Variants in RPS6KL1 observed in about 807,000 individuals in gnomAD.
RPS6KL1 encodes ribosomal protein S6 kinase like 1, also known as ribosomal protein S6 kinase-like 1.
In RPS6KL1, 41 loss-of-function variants were observed where a neutral mutation model predicts 57.0. The observed-to-expected ratio is 0.72, with a 90% confidence interval of 0.56 to 0.93. The LOEUF is 0.93. Among genes scored for constraint, RPS6KL1 ranks in the 40% least tolerant of loss-of-function variants. The pLI is 0.00. For synonymous variants in RPS6KL1, 287 were observed against 309.7 expected (o/e 0.93, Z 0.77); for missense variants, 697 against 727.7 (o/e 0.96, Z 0.49).
In RPS6KL1 at chr14:74,907,469, C is replaced by T. The variant is rs1885109096; in HGVS notation, c.1505G>A (p.Trp502Ter). Residue 502 changes from tryptophan (W) to a stop codon, truncating the protein, a stop_gained, in exon 11 of 12, where the codon TGG becomes TAG. Coordinates refer to ENST00000557413, the MANE Select transcript of RPS6KL1 (RefSeq NM_031464.5). LOFTEE classifies it high-confidence loss of function. ...CAGAGAGGCCGCTGGGCGACTGAGC[C>T]ACTCGGGCAGCTGGAGCTGGGTGTG... Reference protein sequence around the residue: ...QAHTQLQLPEWLSRPAASLLT... With the variant: ...QAHTQLQLPE The T allele has an allele frequency of 6.3e-7, 1 of 1,588,680 alleles. No homozygotes were observed. The highest frequency in any genetic ancestry group is 8.6e-7 in the Non-Finnish European group (1 of 1,167,778).
At chr14:74,911,767 G>T in intron 6 of RPS6KL1, 27 bp downstream of exon 6, 1 of 1,554,962 alleles carries the variant, frequency 6.4e-7, no homozygotes, top group South Asian at 1.2e-5. Context: ...GGGGAATGCA[G>T]AGTGGCAGGG....
intron 10 of RPS6KL1, among the ~76,000 whole-genome samples, chr14:74,907,737 G>A (rs948922751): frequency 6.6e-6 from 1 of 152,218 alleles, no homozygotes; most frequent in Non-Finnish European, 1.5e-5. Flanking sequence ...GAGAGGTAAA[G>A]GGACTTGTGC....
intron 1 of RPS6KL1, 99 bp downstream of exon 1, chr14:74,923,081 G>C (rs1253004526): frequency 6.6e-6 from 1 of 152,240 alleles, no homozygotes; most frequent in Non-Finnish European, 1.5e-5. Context: ...TGCAACCCAC[G>C]GGGCCCCAGC....
chr14:74,911,707 C>CA, intron 6 of RPS6KL1, 87 bp downstream of exon 6: 2 of 1,289,452 alleles, frequency 1.6e-6, no homozygotes, highest in South Asian at 2.6e-5. Flanking sequence ...GTGCAGGCTT[C>CA]AAATGCAGGT....
chr14:74,918,363 G>GCACTCCC, intron 5 of RPS6KL1, 150 bp downstream of exon 5: 1 of 554,968 alleles, frequency 1.8e-6, no homozygotes, highest in Non-Finnish European at 3.1e-6. Context: ...AACTGCACTC[G>GCACTCCC]CACTCCCCAC....
In RPS6KL1 at chr14:74,905,202, G is replaced by A. The variant is rs1884573846; in HGVS notation, c.*1812C>T. 1 of 152,180 alleles carries A rather than the reference G, an allele frequency of 6.6e-6. No homozygotes were observed. The highest frequency in any genetic ancestry group is 1.5e-5 in the Non-Finnish European group (1 of 68,044). 9.4% of individuals were successfully genotyped at this position (152,180 alleles called of 1,614,324 possible). A position where few individuals can be genotyped will look rare whatever the true frequency, so the allele number is the denominator to read the frequency against. On this transcript the variant is annotated 3_prime_UTR_variant, in exon 12 of 12. Coordinates refer to ENST00000557413, the MANE Select transcript of RPS6KL1 (RefSeq NM_031464.5). ...AGTGTCAGATGTGTAGCTTTGGGTG[G>A]ATGAAGCACAGAAGTTCCAGAAGGG...
At position 74,907,620 on chromosome 14, in the gene RPS6KL1, C is replaced by T. The variant is rs73307703; in HGVS notation, c.1444-90G>A. 7.8e-4 allele frequency: 961 copies of T among 1,224,944 alleles called. 9 individuals are homozygous for T. In the African/African-American group the frequency reaches 0.013, roughly 17 times the overall value. 75.9% of individuals were successfully genotyped at this position (1,224,944 alleles called of 1,614,324 possible). On this transcript the variant is annotated intron_variant, in intron 10 of 11. Transcript: ENST00000557413. ...GCCAGGATTTTTTTTCCCCATGTCACAGCCCATGAGGAGGATGACAATAAT... is the reference window on the plus strand; with the variant it reads ...GCCAGGATTTTTTTTCCCCATGTCATAGCCCATGAGGAGGATGACAATAAT...
intron 4 of RPS6KL1, among the ~76,000 whole-genome samples, 181 bp downstream of exon 4, chr14:74,919,660 GGAGA>G (rs1334730975): frequency 6.6e-6 from 1 of 152,220 alleles, no homozygotes; most frequent in Admixed American, 6.5e-5. Context: ...ATGAGGCGTG[GGAGA>G]GAGAGGAAGC....
rs1483736514 is a variant in RPS6KL1 at position 74,906,416 on chromosome 14, G to T, written c.*598C>A. 6.2e-6 allele frequency: 2 copies of T among 320,200 alleles called. 1 individual carries two copies. Among genetic ancestry groups the T allele is most frequent in the East Asian group, 1.7e-4 (2 of 11,622 alleles). The allele number at this position is 320,200 out of a possible 1,614,324, so 19.8% of individuals were successfully genotyped here. On this transcript the variant is annotated 3_prime_UTR_variant, in exon 12 of 12. Coordinates refer to ENST00000557413, the MANE Select transcript of RPS6KL1 (RefSeq NM_031464.5). Reference sequence around the variant, plus strand: ...ATGGTCAGGAATCGGGGGTGGGGGGGTGGGGGTGGGGGTCATCCTGTCCCC... The same window carrying T: ...ATGGTCAGGAATCGGGGGTGGGGGGTTGGGGGTGGGGGTCATCCTGTCCCC...
chr14:74,914,132 AG>A (rs1207248771), intron 5 of RPS6KL1, among the ~76,000 whole-genome samples: 6 of 152,266 alleles, frequency 3.9e-5, no homozygotes, highest in African/African-American at 7.2e-5. Flanking sequence ...GAGAGCGCCC[AG>A]GACCCTTTTC....
rs1042143603 is a variant in RPS6KL1, at chr14:74,921,347, A to G, written c.195T>C (p.Val65=). Residue 65 remains valine (V), a synonymous_variant, in exon 3 of 12, where the codon GTT becomes GTC. Coordinates refer to ENST00000557413, the MANE Select transcript of RPS6KL1 (RefSeq NM_031464.5). ...TQIRLALERD[V]SEDYEAAFNH... ...TGAAGGCCGCCTCATAGTCCTCACT[A>G]ACATCGCGCTCCAGGGCCAGCCGGA... The G allele has an allele frequency of 1.9e-6, 3 of 1,614,226 alleles. No homozygotes were observed. Among genetic ancestry groups the G allele is most frequent in the Non-Finnish European group, 8.5e-7 (1 of 1,180,040 alleles).
At position 74,909,725 on chromosome 14, in the gene RPS6KL1, A is replaced by G; in HGVS notation, c.1088T>C (p.Met363Thr). Residue 363 changes from methionine (M) to threonine (T), a missense_variant, in exon 8 of 12, where the codon ATG (methionine) becomes ACG (threonine). Met to Thr is a moderately conservative substitution (Grantham distance 81). Transcript: ENST00000557413. ...GPVLGGCGRG[M>T]DQSCLSADGA... is the part of the protein sequence containing the mutation. ...ATCTGCTGACAGGCAGCTCTGATCCATGCCTCGGCCACAGCCCCCTAGCAC... is the reference window on the plus strand; with the variant it reads ...ATCTGCTGACAGGCAGCTCTGATCCGTGCCTCGGCCACAGCCCCCTAGCAC... 2 of 1,608,256 alleles carry G rather than the reference A, an allele frequency of 1.2e-6. No individual in the cohort carries two copies. The highest frequency in any genetic ancestry group is 1.1e-5 in the South Asian group (1 of 91,060).
In RPS6KL1 at chr14:74,904,223, GTTA is replaced by G. The variant is rs1469204316; in HGVS notation, c.*2788_*2790del. Reference sequence around the variant, plus strand: ...TTCTGATTGGCAATTGGTTGAAAGAGTTATTATCTAAAGACCTGGAATCAATAG... The same window carrying G: ...TTCTGATTGGCAATTGGTTGAAAGAGTTATCTAAAGACCTGGAATCAATAG... On this transcript the variant is annotated 3_prime_UTR_variant, in exon 12 of 12. Coordinates refer to ENST00000557413, the MANE Select transcript of RPS6KL1 (RefSeq NM_031464.5). 6.6e-6 allele frequency: 1 copy of G among 152,208 alleles called. No homozygotes were observed. Among genetic ancestry groups the G allele is most frequent in the African/African-American group, 2.4e-5 (1 of 41,442 alleles). The allele number at this position is 152,208 out of a possible 1,614,324, so 9.4% of individuals were successfully genotyped here. A position where few individuals can be genotyped will look rare whatever the true frequency, so the allele number is the denominator to read the frequency against.
At chr14:74,923,159 G>A (rs1001382772) in intron 1 of RPS6KL1, 21 bp downstream of exon 1, 3 of 152,440 alleles carry the variant, frequency 2.0e-5, no homozygotes, top group Non-Finnish European at 4.4e-5. Context: ...GGTGGAGAAG[G>A]GACCGGACAA....
At chr14:74,912,742 A>C (rs1886230692) in intron 5 of RPS6KL1, among the ~76,000 whole-genome samples, 1 of 152,192 alleles carries the variant, frequency 6.6e-6, no homozygotes, top group Non-Finnish European at 1.5e-5. Context: ...TCCTGACTGC[A>C]AATAAAAATT....
chr14:74,921,238 T>TACCCCCCCCCCCCCCCCCCCCCCCCCCC, intron 3 of RPS6KL1, 39 bp downstream of exon 3: 3 of 840,178 alleles, frequency 3.6e-6, no homozygotes, highest in Non-Finnish European at 4.1e-6. Flanking sequence ...CACTGGCCCT[T>TACCCCCCCCCCCCCCCCCCCCCCCCCCC]CCCCACCCAC....
chr14:74,907,433 A>T lies in RPS6KL1; in HGVS notation c.1539+2T>A. ...GCTTCCTCTGGCCGGGCTACACCTCACCTCAGTCAGCAGAGAGGCCGCTGG... is the reference window on the plus strand; with the variant it reads ...GCTTCCTCTGGCCGGGCTACACCTCTCCTCAGTCAGCAGAGAGGCCGCTGG... On this transcript the variant is annotated splice_donor_variant, in intron 11 of 11. Transcript: ENST00000557413. LOFTEE classifies it high-confidence loss of function. The T allele has an allele frequency of 6.4e-7, 1 of 1,571,488 alleles. No individual in the cohort carries two copies. Among genetic ancestry groups the T allele is most frequent in the Non-Finnish European group, 8.6e-7 (1 of 1,158,958 alleles).
chr14:74,919,348 G>A (rs574042547), intron 4 of RPS6KL1, among the ~76,000 whole-genome samples: 8 of 152,360 alleles, frequency 5.3e-5, no homozygotes, highest in East Asian at 3.9e-4. Flanking sequence ...AGAAGCGTGC[G>A]TGCATTTTCC....
chr14:74,921,928 C>A, intron 2 of RPS6KL1, 50 bp downstream of exon 2: 40 of 281,370 alleles, frequency 1.4e-4, no homozygotes, highest in South Asian at 4.9e-4. Flanking sequence ...CAGGCACTTG[C>A]CTACCACACC....
Sources: allele counts gnomAD v4.1 joint callset (sites outside exome capture counted in the v4.1 genomes callset), GRCh38; gene constraint gnomAD v4.1.1; transcripts MANE v1.5; gene names NCBI Gene and HGNC (gene_info 2026-07-23, HGNC 2026-07-21).